The following MCM9 variants were observed in gnomAD, a reference collection of about 807,000 sequenced individuals.
MCM9 encodes the protein minichromosome maintenance 9 homologous recombination repair factor, also known as DNA helicase MCM9.
A neutral mutation model predicts 72.8 loss-of-function variants in MCM9; 55 were observed. That is an observed-to-expected ratio of 0.76 (90% CI 0.61 to 0.95). The LOEUF (loss-of-function observed/expected upper bound fraction) is 0.95, where lower values mean the gene tolerates loss of function less well. Among genes scored for constraint, MCM9 ranks in the 40% least tolerant of loss-of-function variants. The pLI, the probability that MCM9 is intolerant of heterozygous loss-of-function variation, is 0.00. For missense variants in MCM9, 1,279 were observed against 1,377.0 expected (o/e 0.93, Z 1.13); for synonymous variants, 480 against 503.4 (o/e 0.95, Z 0.62).
intron 3 of MCM9, 99 bp from the exon 4 acceptor site, chr6:118,924,226 T>C (rs1781682858): frequency 9.1e-7 from 1 of 1,095,458 alleles, no homozygotes; most frequent in Non-Finnish European, 1.3e-6. Flanking sequence ...AATTTTAATT[T>C]CAGGGGGAAA....
At chr6:118,869,661 CA>C (rs1377242721) in intron 8 of MCM9, among the ~76,000 whole-genome samples, 1 of 141,296 alleles carries the variant, frequency 7.1e-6, no homozygotes, top group Admixed American at 7.1e-5. Context: ...CCTTACTTGT[CA>C]GTAATTACTT....
chr6:118,929,830 G>T (rs904335446), intron 3 of MCM9, among the ~76,000 whole-genome samples: 3 of 152,044 alleles, frequency 2.0e-5, no homozygotes, highest in Non-Finnish European at 4.4e-5. Context: ...AGGCTGATGG[G>T]GGGGACCCTT....
chr6:118,854,131 TTTTG>T (rs1009390656), intron 9 of MCM9, among the ~76,000 whole-genome samples: 9 of 152,224 alleles, frequency 5.9e-5, no homozygotes, highest in Non-Finnish European at 1.0e-4. Flanking sequence ...CTTAAATTCT[TTTTG>T]TTTTTCTATG....
At position 118,828,016 on chromosome 6, in the gene MCM9, C is replaced by T. The variant is rs886299880; in HGVS notation, c.1643G>A (p.Arg548Gln). ...ACTCTGCCTTTGCATCTGGTAGTAC[C>T]GGAGAAGAACCTGATTGCCCACATC... ...LSDVGNQVLLRYYQMQRQSDC... is the reference protein window; with the variant it reads ...LSDVGNQVLLQYYQMQRQSDC... The change falls in exon 11 of 14, where the codon CGG becomes CAG. Residue 548 changes from arginine (R) to glutamine (Q), a missense_variant. Transcript: ENST00000619706. 11 of 1,550,852 alleles carry T rather than the reference C, an allele frequency of 7.1e-6. No homozygotes were observed. The highest frequency in any genetic ancestry group is 1.7e-4 in the Middle Eastern group (1 of 5,990).
chr6:118,898,192 A>G (rs1779565671), intron 8 of MCM9, among the ~76,000 whole-genome samples: 1 of 152,232 alleles, frequency 6.6e-6, no homozygotes, highest in Non-Finnish European at 1.5e-5. Context: ...AGTTATTTGC[A>G]TAATGGGGAT....
chr6:118,815,411 C>T lies in MCM9; in HGVS notation c.2845G>A (p.Ala949Thr), dbSNP rs1328672624. 1.9e-6 allele frequency: 3 copies of T among 1,550,450 alleles called. No homozygotes were observed. The highest frequency in any genetic ancestry group is 3.9e-5 in the Admixed American group (2 of 50,976). Reference protein sequence around the residue: ...SHVSPGATKIAVHSPKISQRR... With the variant: ...SHVSPGATKITVHSPKISQRR... ...TGGGAAATTTTAGGACTATGAACTG[C>T]TATTTTAGTTGCACCAGGTGACACA... Residue 949 changes from alanine (A) to threonine (T), a missense_variant, in exon 14 of 14, where the codon GCA (alanine) becomes ACA (threonine). Ala to Thr is a moderately conservative substitution (Grantham distance 58, BLOSUM62 0). Coordinates refer to ENST00000619706, the MANE Select transcript of MCM9 (RefSeq NM_017696.3).
At chr6:118,926,054 A>G (rs1041319452) in intron 3 of MCM9, among the ~76,000 whole-genome samples, 21 of 152,242 alleles carry the variant, frequency 1.4e-4, no homozygotes, top group African/African-American at 5.1e-4. Context: ...CATAATTTCA[A>G]AAAGAAACCC....
chr6:118,867,110 T>A (rs1777263819), intron 8 of MCM9, among the ~76,000 whole-genome samples: 1 of 151,620 alleles, frequency 6.6e-6, no homozygotes, highest in Admixed American at 6.6e-5. Flanking sequence ...AAGGGGGTGA[T>A]AAAGACTTTC....
intron 8 of MCM9, among the ~76,000 whole-genome samples, chr6:118,880,913 A>T (rs147180060): frequency 1.3e-5 from 2 of 152,354 alleles, no homozygotes; most frequent in African/African-American, 4.8e-5. Context: ...TGCATGCCTG[A>T]AAGTGTGGCT....
intron 8 of MCM9, chr6:118,907,552 G>A: frequency 6.2e-7 from 1 of 1,613,622 alleles, no homozygotes; most frequent in East Asian, 2.2e-5. Context: ...AGCATCAAAG[G>A]GATGGTCCAC....
At chr6:118,931,323 T>C in intron 3 of MCM9, 97 bp downstream of exon 3, 2 of 954,880 alleles carry the variant, frequency 2.1e-6, no homozygotes, top group Non-Finnish European at 3.1e-6. Context: ...ATATTTTAAG[T>C]ATAAATATCA....
chr6:118,916,519 C>T (rs987438593), intron 6 of MCM9, among the ~76,000 whole-genome samples: 3 of 150,476 alleles, frequency 2.0e-5, no homozygotes, highest in Non-Finnish European at 4.4e-5. Context: ...TCTGCAGTGG[C>T]GCGATCTTGG....
At chr6:118,875,700 T>C (rs1186146274) in intron 8 of MCM9, among the ~76,000 whole-genome samples, 2 of 151,978 alleles carry the variant, frequency 1.3e-5, no homozygotes, top group Non-Finnish European at 2.9e-5. Flanking sequence ...TTACACATCT[T>C]AGAATGACTG....
In MCM9 at chr6:118,829,255, C is replaced by G. The variant is rs746430935; in HGVS notation, c.1326-5G>C. 30 of 1,545,686 alleles carry G rather than the reference C, an allele frequency of 1.9e-5. No homozygotes were observed. In the East Asian group the frequency reaches 6.4e-4, roughly 33 times the overall value. On this transcript the variant is annotated splice_polypyrimidine_tract_variant and splice_region_variant and intron_variant, in intron 9 of 13. Coordinates refer to ENST00000619706, the MANE Select transcript of MCM9 (RefSeq NM_017696.3). ...GTGTTCAGCTTGCACACGAGGCTGCCAGGAGAGACAGTACAATTCACTGAT... is the reference window on the plus strand; with the variant it reads ...GTGTTCAGCTTGCACACGAGGCTGCGAGGAGAGACAGTACAATTCACTGAT...
intron 8 of MCM9, among the ~76,000 whole-genome samples, chr6:118,862,379 C>G (rs908583584): frequency 3.3e-5 from 5 of 152,216 alleles, no homozygotes; most frequent in African/African-American, 4.8e-5. Context: ...GCAGTTGCTC[C>G]AAATGGGCTG....
At chr6:118,823,375 G>A (rs1297911109) in intron 13 of MCM9, among the ~76,000 whole-genome samples, 1 of 152,140 alleles carries the variant, frequency 6.6e-6, no homozygotes, top group Non-Finnish European at 1.5e-5. Flanking sequence ...TAAGTCCAGG[G>A]TGAGGTGATG....
intron 8 of MCM9, among the ~76,000 whole-genome samples, chr6:118,872,804 A>G (rs1216221335): frequency 1.3e-5 from 2 of 151,986 alleles, no homozygotes; most frequent in Non-Finnish European, 2.9e-5. Context: ...ATCTTAGGGA[A>G]AAAAAGGAAG....
intron 9 of MCM9, among the ~76,000 whole-genome samples, chr6:118,842,713 T>C (rs1775460344): frequency 6.6e-6 from 1 of 152,080 alleles, no homozygotes; most frequent in Non-Finnish European, 1.5e-5. Flanking sequence ...AGAAAAGGGG[T>C]CTCATTATGT....
intron 8 of MCM9, among the ~76,000 whole-genome samples, chr6:118,860,908 C>G (rs1408483803): frequency 6.6e-6 from 1 of 152,198 alleles, no homozygotes; most frequent in Non-Finnish European, 1.5e-5. Flanking sequence ...GCTTTGCCAG[C>G]TGGAAACCTC....
Sources: gnomAD v4.1 joint callset for allele counts (sites outside exome capture counted in the v4.1 genomes callset) on GRCh38, gnomAD v4.1.1 for gene constraint, MANE v1.5 for transcripts, NCBI Gene and HGNC (gene_info 2026-07-23, HGNC 2026-07-21) for gene names.